The following CDK11A variants were observed in gnomAD, a reference collection of about 807,000 sequenced individuals.
CDK11A encodes the protein cyclin dependent kinase 11A.
A neutral mutation model predicts 83.6 loss-of-function variants in CDK11A; 55 were observed. That is an observed-to-expected ratio of 0.66 (90% CI 0.53 to 0.82). The LOEUF (loss-of-function observed/expected upper bound fraction) is 0.82. Ranked by LOEUF, CDK11A falls within the 40% of genes least tolerant of loss-of-function variation. CDK11A has a pLI of 0.00. For missense variants in CDK11A, 564 were observed against 810.1 expected (o/e 0.70, Z 3.69); for synonymous variants, 247 against 302.7 (o/e 0.82, Z 1.91).
chr1:1,716,193 T>C (rs1267320131), intron 5 of CDK11A, among the ~76,000 whole-genome samples, 153 bp downstream of exon 5: 2 of 86,658 alleles, frequency 2.3e-5, no homozygotes, highest in Non-Finnish European at 3.4e-5. Flanking sequence ...ACAGTTCTCT[T>C]GGTCAGCCTC....
intron 5 of CDK11A, among the ~76,000 whole-genome samples, chr1:1,715,189 A>C (rs1644591060): frequency 8.9e-6 from 1 of 112,962 alleles, no homozygotes; most frequent in African/African-American, 2.8e-5. Flanking sequence ...TATCCTTATC[A>C]GTTTCCTTTT....
chr1:1,715,187 T>TCA (rs1276587297), intron 5 of CDK11A, among the ~76,000 whole-genome samples: 1 of 112,954 alleles, frequency 8.9e-6, no homozygotes, highest in African/African-American at 2.8e-5. Context: ...ATTATCCTTA[T>TCA]CAGTTTCCTT....
At chr1:1,718,427 C>G (rs74045994) in intron 4 of CDK11A, among the ~76,000 whole-genome samples, 1 of 85,764 alleles carries the variant, frequency 1.2e-5, no homozygotes, top group Non-Finnish European at 2.5e-5. Flanking sequence ...GTTTGCTCTC[C>G]ATAGCCCTTC....
Position 1,722,722 on chromosome 1 carries a change from T to A in CDK11A, c.97A>T (p.Lys33Ter). ...ATATGGCTTACATTTTTTAAGCGTT[T>A]TATCTCTGCTTTCTCCTCTTGTTCC... ...RKEQEEKAEIKRLKNSDDRDS... is the reference protein window; with the variant it reads ...RKEQEEKAEI The change falls in exon 2 of 20, where the codon AAA becomes TAA. Residue 33 changes from lysine to a stop codon, truncating the protein, a stop_gained. Transcript: ENST00000404249. LOFTEE classifies it high-confidence loss of function. 6.5e-7 allele frequency: 1 copy of A among 1,543,898 alleles called. No individual in the cohort carries two copies. The highest frequency in any genetic ancestry group is 8.7e-7 in the Non-Finnish European group (1 of 1,144,060).
intron 3 of CDK11A, 36 bp from the exon 4 acceptor site, chr1:1,719,491 A>T: frequency 7.2e-7 from 1 of 1,384,002 alleles, no homozygotes. Flanking sequence ...GTCATGCTTG[A>T]GAAAGTGCGG....
At chr1:1,705,280 C>T (rs1331828173) in intron 12 of CDK11A, among the ~76,000 whole-genome samples, 4 of 112,252 alleles carry the variant, frequency 3.6e-5, no homozygotes, top group South Asian at 2.9e-4. Context: ...GCGGCCACGC[C>T]GACTCCACAT....
At position 1,703,529 on chromosome 1, in the gene CDK11A, G is replaced by T. The variant is rs1369511249; in HGVS notation, c.2007C>A (p.Leu669=). 1 of 1,563,106 alleles carries T rather than the reference G, an allele frequency of 6.4e-7. No homozygotes were observed. Among genetic ancestry groups the T allele is most frequent in the Non-Finnish European group, 8.6e-7 (1 of 1,164,280 alleles). The change falls in exon 18 of 20, where the codon CTC becomes CTA. Residue 669 remains leucine (L), a synonymous_variant. Coordinates refer to ENST00000404249, the MANE Select transcript of CDK11A (RefSeq NM_024011.4). The part of the protein sequence containing the change: ...MTFSEHPYNN[L]RKRFGALLSD... ...AGAGCAGAGCCCCGAAGCGCTTGCG[G>T]AGGTTGTTGTAGGGGTGCTCGCTGA... is the stretch of plus-strand genomic sequence containing the variant.
chr1:1,704,376 G>A (rs763003762), intron 14 of CDK11A, 32 bp from the exon 15 acceptor site: 6 of 1,604,884 alleles, frequency 3.7e-6, no homozygotes, highest in East Asian at 4.5e-5. Flanking sequence ...ATGTGGACCC[G>A]GCCGCCCCAA....
intron 4 of CDK11A, among the ~76,000 whole-genome samples, chr1:1,717,451 C>G (rs1437702735): frequency 1.3e-5 from 2 of 151,322 alleles, no homozygotes; most frequent in African/African-American, 4.9e-5. Context: ...TGGACTTGAG[C>G]AAATACCCAT....
Position 1,721,701 on chromosome 1 carries a change from C to T in CDK11A, c.122G>A (p.Arg41Gln), listed in dbSNP as rs200953503. ...CTCAAGGGAATCCCGCTTGGAATCC[C>T]GGTCATCAGACTAAGAAGCAAAGAG... ...EIKRLKNSDD[R>Q]DSKRDSLEEG... The change falls in exon 3 of 20, where the codon CGG becomes CAG. Residue 41 changes from arginine (R) to glutamine (Q), a missense_variant. Arg to Gln is a conservative substitution (Grantham distance 43, BLOSUM62 1). This residue lies in a region of CDK11A where 28 missense variants were observed against 54.8 expected (regional missense o/e 0.51). Coordinates refer to ENST00000404249, the MANE Select transcript of CDK11A (RefSeq NM_024011.4). 1.7e-4 allele frequency: 263 copies of T among 1,584,458 alleles called. 10 individuals carry two copies. In the African/African-American group the frequency reaches 2.8e-3, roughly 17 times the overall value.
rs746739655 is a variant in CDK11A, at chr1:1,716,297, C to T, written c.488+49G>A. ...TCTTCTTCATTGCTGTGACAGGACA[C>T]ACTACCACGGCCCTTTCATAAAGTC... is the stretch of plus-strand genomic sequence containing the variant. On this transcript the variant is annotated intron_variant, in intron 5 of 19. Coordinates refer to ENST00000404249, the MANE Select transcript of CDK11A (RefSeq NM_024011.4). 3.8e-6 allele frequency: 6 copies of T among 1,585,098 alleles called. 1 individual carries two copies. In the Admixed American group the frequency reaches 5.1e-5, roughly 14 times the overall value.
Position 1,721,587 on chromosome 1 carries a change from T to A in CDK11A, c.227+9A>T, listed in dbSNP as rs184721773. On this transcript the variant is annotated intron_variant, in intron 3 of 19. Transcript: ENST00000404249. ...CAGTTGGGTCTTGCACATCTGTACA[T>A]CCGCTCACCTGTCTTCCATTGAGTC... The A allele has an allele frequency of 1.7e-4, 272 of 1,605,194 alleles. 12 individuals carry two copies. In the African/African-American group the frequency reaches 3.0e-3, roughly 18 times the overall value.
At chr1:1,714,719 C>T (rs1644572218) in intron 5 of CDK11A, among the ~76,000 whole-genome samples, 1 of 135,456 alleles carries the variant, frequency 7.4e-6, no homozygotes, top group Non-Finnish European at 1.6e-5. Context: ...CCTTGGCCCA[C>T]GGCTGTGTGT....
At chr1:1,706,886 C>T (rs1060754) in intron 11 of CDK11A, among the ~76,000 whole-genome samples, 1 of 149,070 alleles carries the variant, frequency 6.7e-6, no homozygotes, top group Non-Finnish European at 1.5e-5. Context: ...CCCAGGCCCC[C>T]GAGGCCACTG....
chr1:1,719,381 T>C lies in CDK11A; in HGVS notation c.302A>G (p.Lys101Arg), dbSNP rs769812604. The C allele has an allele frequency of 1.9e-6, 3 of 1,539,506 alleles. No individual in the cohort carries two copies. Among genetic ancestry groups the C allele is most frequent in the Non-Finnish European group, 8.7e-7 (1 of 1,145,394 alleles). The change falls in exon 4 of 20, where the codon AAA becomes AGA. Residue 101 changes from lysine to arginine, a missense_variant. Physicochemically the swap from Lys to Arg is conservative, Grantham distance 26. Transcript: ENST00000404249. ...MSRKEKVHHR[K>R]DEKRKEKCRH... ...ACATTTTTCTTTTCTCTTTTCATCT[T>C]TTCTGTGATGAACTTTTTCTTTCCG...
chr1:1,707,466 A>G lies in CDK11A; in HGVS notation c.1188T>C (p.Pro396=). 8 of 1,607,604 alleles carry G rather than the reference A, an allele frequency of 5.0e-6. No individual in the cohort carries two copies. The highest frequency in any genetic ancestry group is 6.8e-6 in the Non-Finnish European group (8 of 1,175,896). The change falls in exon 11 of 20, where the codon CCT becomes CCC. Residue 396 remains proline, a synonymous_variant. Transcript: ENST00000404249. ...LTEGDYVPDS[P]ALLPIELKQE... ...GCTTGAGCTCGATGGGCAACAGGGCAGGGGAGTCGGGCACATAGTCGCCCT... is the reference window on the plus strand; with the variant it reads ...GCTTGAGCTCGATGGGCAACAGGGCGGGGGAGTCGGGCACATAGTCGCCCT...
chr1:1,706,534 G>A (rs933475669), intron 11 of CDK11A, among the ~76,000 whole-genome samples: 2 of 151,312 alleles, frequency 1.3e-5, no homozygotes, highest in African/African-American at 4.9e-5. Flanking sequence ...GGATGACAGA[G>A]ACAGACCCAG....
At chr1:1,718,999 TA>T (rs1490858021) in intron 4 of CDK11A, among the ~76,000 whole-genome samples, 1 of 150,982 alleles carries the variant, frequency 6.6e-6, no homozygotes, top group Non-Finnish European at 1.5e-5. Flanking sequence ...TGCTTTCAGC[TA>T]GAGTTTGCTC....
rs1346373102 is a variant in CDK11A at position 1,704,447 on chromosome 1, C to T, written c.1564+103G>A. The T allele has an allele frequency of 2.6e-6, 4 of 1,544,412 alleles. No individual in the cohort carries two copies. In the African/African-American group the frequency reaches 5.5e-5, roughly 21 times the overall value. ...AGCAACAGAGGCTTCTCAGGGCTTT[C>T]CCTGTGGATGCAGCTGGCCCTCCCT... On this transcript the variant is annotated intron_variant, in intron 14 of 19. Transcript: ENST00000404249.
Sources: allele counts gnomAD v4.1 joint callset (sites outside exome capture counted in the v4.1 genomes callset), GRCh38; gene constraint gnomAD v4.1.1; regional missense constraint gnomAD v4.1.1; transcripts MANE v1.5; gene names NCBI Gene and HGNC (gene_info 2026-07-23, HGNC 2026-07-21).